The following CAMKMT variants were observed in gnomAD, a reference collection of about 807,000 sequenced individuals.
CAMKMT encodes calmodulin-lysine N-methyltransferase, also known as CaM KMT.
Under a neutral mutation model 48.0 loss-of-function variants are expected in CAMKMT, and 53 were observed. The ratio of observed to expected loss-of-function variants is 1.10; its 90% CI spans 0.89 to 1.39. The LOEUF (loss-of-function observed/expected upper bound fraction) is 1.39, where lower values mean the gene tolerates loss of function less well. Ranked by LOEUF, CAMKMT falls within the 40% of genes most tolerant of loss-of-function variation. CAMKMT has a pLI of 0.00. For synonymous variants in CAMKMT, 165 were observed against 152.3 expected (o/e 1.08, Z -0.61); for missense variants, 428 against 402.7 (o/e 1.06, Z -0.54).
intron 3 of CAMKMT, among the ~76,000 whole-genome samples, chr2:44,498,548 G>A (rs898285481): frequency 3.9e-5 from 6 of 152,136 alleles, no homozygotes. Flanking sequence ...TTTGGCAAAA[G>A]CTAGCAGTTC....
chr2:44,630,484 C>T lies in CAMKMT; in HGVS notation c.377-73799C>T, dbSNP rs373228642. On this transcript the variant is annotated intron_variant, in intron 3 of 10. Coordinates refer to ENST00000378494, the MANE Select transcript of CAMKMT (RefSeq NM_024766.5). ...AACCCACAAAATGGGAGAAAATTTT[C>T]GCAACCTACTCATCTGACAAAGGGC... Among the ~76,000 whole-genome samples the T allele has an allele frequency of 4.0e-5, 6 of 148,338 alleles. No individual in the cohort carries two copies. The East Asian group carries it at 7.9e-4, about 19-fold the overall frequency.
chr2:44,650,175 G>C (rs939195710), intron 3 of CAMKMT, among the ~76,000 whole-genome samples: 1 of 152,166 alleles, frequency 6.6e-6, no homozygotes, highest in Non-Finnish European at 1.5e-5. Context: ...TGCTCCATCT[G>C]AAACCCCTAG....
At chr2:44,509,638 G>A (rs1670437108) in intron 3 of CAMKMT, among the ~76,000 whole-genome samples, 1 of 152,072 alleles carries the variant, frequency 6.6e-6, no homozygotes, top group Admixed American at 6.5e-5. Flanking sequence ...TTCATGTGTT[G>A]GAAATATGGT....
chr2:44,461,368 A>G (rs994546930), intron 3 of CAMKMT, among the ~76,000 whole-genome samples: 2 of 152,210 alleles, frequency 1.3e-5, no homozygotes, highest in African/African-American at 4.8e-5. Flanking sequence ...AGGTACTATT[A>G]TTCCCAGATG....
chr2:44,664,847 A>G (rs1040743649), intron 3 of CAMKMT, among the ~76,000 whole-genome samples: 10 of 152,176 alleles, frequency 6.6e-5, no homozygotes, highest in Non-Finnish European at 1.0e-4. Context: ...AGCAGAAACT[A>G]GTGGATGGAA....
intron 7 of CAMKMT, among the ~76,000 whole-genome samples, chr2:44,730,351 T>TG (rs1679016254): frequency 6.6e-6 from 1 of 152,248 alleles, no homozygotes; most frequent in Non-Finnish European, 1.5e-5. Flanking sequence ...ATTACTCCTT[T>TG]GGTAGTACCT....
intron 3 of CAMKMT, among the ~76,000 whole-genome samples, chr2:44,520,661 C>G (rs1204590980): frequency 6.6e-6 from 1 of 152,086 alleles, no homozygotes; most frequent in Non-Finnish European, 1.5e-5. Context: ...GTTGTATTAT[C>G]CTGAATTATG....
intron 7 of CAMKMT, among the ~76,000 whole-genome samples, chr2:44,740,793 A>G (rs774998695): frequency 1.3e-5 from 2 of 152,188 alleles, no homozygotes; most frequent in Non-Finnish European, 2.9e-5. Flanking sequence ...AATTACAATG[A>G]TAAGTCATGA....
intron 3 of CAMKMT, among the ~76,000 whole-genome samples, chr2:44,589,968 C>T (rs1213827641): frequency 7.2e-6 from 1 of 138,806 alleles, no homozygotes; most frequent in Non-Finnish European, 1.5e-5. Context: ...AGAAATACAA[C>T]TGTTATTTGT....
At position 44,680,880 on chromosome 2, in the gene CAMKMT, G is replaced by A. The variant is rs142203709; in HGVS notation, c.377-23403G>A. ...GTAAAAAGTATGCGCCACTAAACTT[G>A]CCACCCGAATGTGCAGTTTCTTTTC... On this transcript the variant is annotated intron_variant, in intron 3 of 10. Coordinates refer to ENST00000378494, the MANE Select transcript of CAMKMT (RefSeq NM_024766.5). 1.8e-3 allele frequency among the ~76,000 whole-genome samples: 271 copies of A among 152,244 alleles called. 1 individual carries two copies. Among genetic ancestry groups the A allele is most frequent in the African/African-American group, 6.3e-3 (262 of 41,530 alleles).
chr2:44,605,446 A>G (rs555082368), intron 3 of CAMKMT, among the ~76,000 whole-genome samples: 185 of 152,272 alleles, frequency 1.2e-3, no homozygotes, highest in Non-Finnish European at 2.3e-3. Context: ...TGATTTTGGC[A>G]GATGGAATCA....
At position 44,433,661 on chromosome 2, in the gene CAMKMT, C is replaced by A. The variant is rs138871121; in HGVS notation, c.376+43356C>A. ...TTGATTAAAAAATAATTATACTGAG[C>A]ATGATAATGTCATATGAATGACTTG... is the stretch of plus-strand genomic sequence containing the variant. On this transcript the variant is annotated intron_variant, in intron 3 of 10. Transcript: ENST00000378494. 2.4e-4 allele frequency among the ~76,000 whole-genome samples: 36 copies of A among 152,188 alleles called. No individual in the cohort carries two copies. In the East Asian group the frequency reaches 2.7e-3, roughly 11 times the overall value.
At chr2:44,632,181 T>A (rs1269214139) in intron 3 of CAMKMT, among the ~76,000 whole-genome samples, 1 of 152,196 alleles carries the variant, frequency 6.6e-6, no homozygotes, top group African/African-American at 2.4e-5. Flanking sequence ...TGAGTTTCTA[T>A]GTAGTATTAA....
chr2:44,730,004 C>G (rs987854046), intron 7 of CAMKMT, among the ~76,000 whole-genome samples: 2 of 152,134 alleles, frequency 1.3e-5, no homozygotes, highest in Non-Finnish European at 2.9e-5. Flanking sequence ...GTGGCTTTAT[C>G]CAGCACACAG....
At chr2:44,596,742 A>G (rs895250806) in intron 3 of CAMKMT, among the ~76,000 whole-genome samples, 1 of 152,216 alleles carries the variant, frequency 6.6e-6, no homozygotes, top group African/African-American at 2.4e-5. Flanking sequence ...GACCTACACC[A>G]GTGAACCGTG....
rs534521237 is a variant in CAMKMT at position 44,429,830 on chromosome 2, A to G, written c.376+39525A>G. On this transcript the variant is annotated intron_variant, in intron 3 of 10. Transcript: ENST00000378494. ...CTCAAAAAAAAAAAAAAAAAAAAAA[A>G]GACAAAAGAATAAAACCTATCAGAG... Among the ~76,000 whole-genome samples the G allele has an allele frequency of 1.1e-4, 17 of 149,158 alleles. 1 individual carries two copies. In the South Asian group the frequency reaches 3.6e-3, roughly 32 times the overall value.
chr2:44,524,056 C>G (rs146445809), intron 3 of CAMKMT, among the ~76,000 whole-genome samples: 1 of 152,046 alleles, frequency 6.6e-6, no homozygotes, highest in Non-Finnish European at 1.5e-5. Flanking sequence ...GGATTACAGG[C>G]GTGAGCCACC....
chr2:44,556,975 C>A (rs1668049444), intron 3 of CAMKMT, among the ~76,000 whole-genome samples: 1 of 152,032 alleles, frequency 6.6e-6, no homozygotes, highest in African/African-American at 2.4e-5. Flanking sequence ...GGAGAAAATG[C>A]ACAGGAACTA....
chr2:44,588,853 G>A (rs1572866137), intron 3 of CAMKMT, among the ~76,000 whole-genome samples: 1 of 29,676 alleles, frequency 3.4e-5, no homozygotes, highest in Non-Finnish European at 6.7e-5. Context: ...CCGGCCAGCC[G>A]CCCAGTCCGG....
Sources: gnomAD v4.1 joint callset for allele counts (sites outside exome capture counted in the v4.1 genomes callset) on GRCh38, gnomAD v4.1.1 for gene constraint, MANE v1.5 for transcripts, NCBI Gene and HGNC (gene_info 2026-07-23, HGNC 2026-07-21) for gene names.